The following ETS2 variants were observed in gnomAD, a reference collection of about 807,000 sequenced individuals.
ETS2 encodes the protein protein C-ets-2.
In ETS2, 19 loss-of-function variants were observed where a neutral mutation model predicts 54.9. That is an observed-to-expected ratio of 0.35 (90% CI 0.24 to 0.51). The LOEUF is 0.51. Among genes scored for constraint, ETS2 ranks in the 20% least tolerant of loss-of-function variants. The pLI is 0.97. For synonymous variants in ETS2, 219 were observed against 229.3 expected (o/e 0.95, Z 0.41); for missense variants, 417 against 593.0 (o/e 0.70, Z 3.08).
intron 5 of ETS2, among the ~76,000 whole-genome samples, 159 bp downstream of exon 5, chr21:38,815,140 G>A (rs924643734): frequency 1.3e-5 from 2 of 151,960 alleles, no homozygotes; most frequent in Non-Finnish European, 1.5e-5. Flanking sequence ...TCAGATATAT[G>A]GCAGTGATTA....
At chr21:38,807,060 G>A (rs1228700347) in intron 1 of ETS2, among the ~76,000 whole-genome samples, 1 of 152,176 alleles carries the variant, frequency 6.6e-6, no homozygotes, top group African/African-American at 2.4e-5. Context: ...TTATCTGCCT[G>A]CCCACACCAC....
At chr21:38,818,037 A>C (rs1207297430) in intron 6 of ETS2, among the ~76,000 whole-genome samples, 1 of 152,000 alleles carries the variant, frequency 6.6e-6, no homozygotes, top group Non-Finnish European at 1.5e-5. Context: ...CTCAGCACAC[A>C]GGGTTCATGG....
At chr21:38,805,378 C>T (rs979640849), upstream of ETS2, 3 of 1,288,952 alleles carry the variant, frequency 2.3e-6, no homozygotes, top group South Asian at 3.7e-5. The surrounding 1 kb of genome is among the most constrained non-coding windows in gnomAD (Gnocchi z 5.2). Context: ...GGCCTTATTA[C>T]CCAAGCCCGG....
intron 1 of ETS2, among the ~76,000 whole-genome samples, chr21:38,807,132 C>T (rs1000600004): frequency 6.6e-6 from 1 of 152,208 alleles, no homozygotes; most frequent in Non-Finnish European, 1.5e-5. Flanking sequence ...AGTAGCGCAG[C>T]ACAGTAAATG....
At position 38,814,692 on chromosome 21, in the gene ETS2, C is replaced by A; in HGVS notation, c.305-89C>A. On this transcript the variant is annotated intron_variant, in intron 4 of 9. Coordinates refer to ENST00000360938, the MANE Select transcript of ETS2 (RefSeq NM_005239.6). This position sits in a 1 kb window ranked among gnomAD's most constrained non-coding sequence, Gnocchi z 4.2. ...TCGTGGGTTCTGGTGTATGTCGGTA[C>A]TTGGTGCATAAATTAGGGATGACAG... The A allele has an allele frequency of 8.3e-7, 1 of 1,199,238 alleles. No homozygotes were observed. The highest frequency in any genetic ancestry group is 1.2e-6 in the Non-Finnish European group (1 of 820,686). 74.3% of individuals were successfully genotyped at this position (1,199,238 alleles called of 1,614,324 possible).
At chr21:38,813,135 G>A (rs1283061464) in intron 3 of ETS2, 21 bp downstream of exon 3, 4 of 1,442,066 alleles carry the variant, frequency 2.8e-6, no homozygotes, top group Non-Finnish European at 3.9e-6. Context: ...CCTCAGACTT[G>A]ACAAATTGTG....
chr21:38,819,473 T>C (rs919753997), intron 7 of ETS2, 30 bp from the exon 8 acceptor site: 2 of 1,610,414 alleles, frequency 1.2e-6, no homozygotes, highest in Admixed American at 3.3e-5. Context: ...CCTGGAGGAA[T>C]CAAAGTATGT....
chr21:38,815,016 G>C, intron 5 of ETS2, 35 bp downstream of exon 5: 1 of 1,600,472 alleles, frequency 6.2e-7, no homozygotes, highest in Non-Finnish European at 8.6e-7. Context: ...CCTTGTCCAG[G>C]ATGAGCTGTG....
Position 38,806,087 on chromosome 21 carries a change from C to G in ETS2, c.-34C>G. Reference sequence around the variant, plus strand: ...CCGCGGGCGCCGAGCAGCCACCGTCCCGACCAAGCGCCGGCCCTGCCCGCA... The same window carrying G: ...CCGCGGGCGCCGAGCAGCCACCGTCGCGACCAAGCGCCGGCCCTGCCCGCA... On this transcript the variant is annotated 5_prime_UTR_variant, in exon 1 of 10. Coordinates refer to ENST00000360938, the MANE Select transcript of ETS2 (RefSeq NM_005239.6). This position sits in a 1 kb window ranked among gnomAD's most constrained non-coding sequence, Gnocchi z 4.3. 1 of 1,098,624 alleles carries G rather than the reference C, an allele frequency of 9.1e-7. No homozygotes were observed. Among genetic ancestry groups the G allele is most frequent in the Non-Finnish European group, 1.1e-6 (1 of 899,138 alleles). 68.1% of individuals were successfully genotyped at this position (1,098,624 alleles called of 1,614,324 possible).
chr21:38,815,219 GC>G (rs2060928628), intron 5 of ETS2, among the ~76,000 whole-genome samples: 1 of 151,530 alleles, frequency 6.6e-6, no homozygotes, highest in African/African-American at 2.4e-5. Flanking sequence ...ATCAAGTATA[GC>G]CACAAGGTAG....
intron 9 of ETS2, 77 bp from the exon 10 acceptor site, chr21:38,822,597 A>C: frequency 7.8e-7 from 1 of 1,284,402 alleles, no homozygotes; most frequent in Admixed American, 2.0e-5. Context: ...TCAGAATCAT[A>C]ATCAGGGAGG....
upstream of ETS2, chr21:38,805,655 C>T (rs1044915988): frequency 1.8e-5 from 21 of 1,199,130 alleles, no homozygotes; most frequent in Non-Finnish European, 2.0e-5. This position sits in a 1 kb window ranked among gnomAD's most constrained non-coding sequence, Gnocchi z 5.2. Flanking sequence ...CGCGCTCCCT[C>T]GCCGCCTCCG....
chr21:38,812,371 C>A (rs1052135401), intron 2 of ETS2, among the ~76,000 whole-genome samples: 1 of 152,162 alleles, frequency 6.6e-6, no homozygotes, highest in Non-Finnish European at 1.5e-5. Flanking sequence ...AGGCTCCTCT[C>A]GACACCATTG....
intron 8 of ETS2, among the ~76,000 whole-genome samples, chr21:38,820,209 A>C (rs2060952301): frequency 6.6e-6 from 1 of 152,210 alleles, no homozygotes; most frequent in African/African-American, 2.4e-5. Context: ...TTTGGGTGAG[A>C]GCTATTCTAG....
At chr21:38,816,133 T>A (rs2060934759) in intron 5 of ETS2, among the ~76,000 whole-genome samples, 1 of 144,160 alleles carries the variant, frequency 6.9e-6, no homozygotes, top group South Asian at 2.2e-4. Flanking sequence ...ACAGTAGGGA[T>A]TATTTAGGTT....
In ETS2 at chr21:38,814,755, T is replaced by A. The variant is rs181145549; in HGVS notation, c.305-26T>A. 11 of 1,606,528 alleles carry A rather than the reference T, an allele frequency of 6.8e-6. No individual in the cohort carries two copies. In the East Asian group the frequency reaches 2.5e-4, roughly 36 times the overall value. Reference sequence around the variant, plus strand: ...CTTTCCACTGTTTTTACCTCATGTGTTCCATTTTTTCTTCTCTCCTGGTAG... The same window carrying A: ...CTTTCCACTGTTTTTACCTCATGTGATCCATTTTTTCTTCTCTCCTGGTAG... On this transcript the variant is annotated intron_variant, in intron 4 of 9. Coordinates refer to ENST00000360938, the MANE Select transcript of ETS2 (RefSeq NM_005239.6). The surrounding 1 kb of genome is among the most constrained non-coding windows in gnomAD (Gnocchi z 4.2).
At chr21:38,818,375 T>C (rs780635928) in intron 6 of ETS2, 50 bp from the exon 7 acceptor site, 17 of 1,611,316 alleles carry the variant, frequency 1.1e-5, no homozygotes, top group Non-Finnish European at 1.4e-5. Flanking sequence ...GGTTAGTTAC[T>C]GGGGTAACAC....
rs2060895430 is a variant in ETS2 at position 38,806,881 on chromosome 21, CCTTTT to C, written c.-1+762_-1+766del. ...CTATTTTATTTTTTACGGCAGGAGACCTTTTATGTTAGCCTGTACACAATTTCAGG... is the reference window on the plus strand; with the variant it reads ...CTATTTTATTTTTTACGGCAGGAGACATGTTAGCCTGTACACAATTTCAGG... On this transcript the variant is annotated intron_variant, in intron 1 of 9. Transcript: ENST00000360938. The surrounding 1 kb of genome is among the most constrained non-coding windows in gnomAD (Gnocchi z 4.3). 1 of 968,724 alleles carries C rather than the reference CCTTTT, an allele frequency of 1.0e-6. No individual in the cohort carries two copies. Among genetic ancestry groups the C allele is most frequent in the South Asian group, 4.8e-5 (1 of 20,974 alleles). The allele number at this position is 968,724 out of a possible 1,614,324, so 60.0% of individuals were successfully genotyped here.
At chr21:38,816,979 A>G (rs1384027604) in intron 5 of ETS2, 29 bp from the exon 6 acceptor site, 1 of 1,298,566 alleles carries the variant, frequency 7.7e-7, no homozygotes, top group East Asian at 2.3e-5. Flanking sequence ...TACATCTGCC[A>G]TCTTACGTCT....
Sources: allele counts gnomAD v4.1 joint callset (sites outside exome capture counted in the v4.1 genomes callset), GRCh38; gene constraint gnomAD v4.1.1; non-coding constraint Gnocchi (gnomAD v3.1); transcripts MANE v1.5; gene names NCBI Gene and HGNC (gene_info 2026-07-23, HGNC 2026-07-21).